BMP7: variants seen among roughly 807,000 people sequenced by gnomAD.
BMP7 encodes the protein osteogenic protein 1.
BMP7 carries 12 observed loss-of-function variants against 41.2 expected under a neutral mutation model. The ratio of observed to expected loss-of-function variants is 0.29; its 90% CI spans 0.19 to 0.47. The LOEUF (loss-of-function observed/expected upper bound fraction) is 0.47, where lower values mean the gene tolerates loss of function less well. Among genes scored for constraint, BMP7 ranks in the 20% least tolerant of loss-of-function variants. The probability of loss-of-function intolerance (pLI) is 0.99; values close to 1 mark genes in which losing one functional copy is unlikely to be tolerated. For missense variants in BMP7, 467 were observed against 606.0 expected (o/e 0.77, Z 2.41); for synonymous variants, 248 against 250.0 (o/e 0.99, Z 0.07).
intron 3 of BMP7, among the ~76,000 whole-genome samples, chr20:57,199,289 T>C (rs230194): frequency 0.57 from 87,312 of 152,058 alleles, 25,838 homozygotes; most frequent in African/African-American, 0.7. Context: ...GGCACCATCT[T>C]GTAAACAGGC....
At position 57,265,777 on chromosome 20, in the gene BMP7, G is replaced by A. The variant is rs976788767; in HGVS notation, c.346C>T (p.Pro116Ser). ...PYKAVFSTQG[P>S]PLASLQDSHF... Reference sequence around the variant, plus strand: ...CTATCTTGCAGGCTGGCCAGAGGGGGGCCCTGGGTACTGAAGACGGCCTTG... The same window carrying A: ...CTATCTTGCAGGCTGGCCAGAGGGGAGCCCTGGGTACTGAAGACGGCCTTG... The change falls in exon 1 of 7, where the codon CCC (proline) becomes TCC (serine). Residue 116 changes from proline (P) to serine (S), a missense_variant. By Grantham distance (74) the Pro-to-Ser change is moderately conservative. Transcript: ENST00000395863. 9.3e-6 allele frequency: 15 copies of A among 1,610,678 alleles called. No individual in the cohort carries two copies. The highest frequency in any genetic ancestry group is 2.7e-5 in the African/African-American group (2 of 74,894).
At chr20:57,201,914 A>C (rs101625) in intron 3 of BMP7, among the ~76,000 whole-genome samples, 4,745 of 152,280 alleles carry the variant, frequency 0.031, 236 homozygotes, top group African/African-American at 0.11. Flanking sequence ...CAGGAACTGG[A>C]GAGTCAGACG....
intron 1 of BMP7, among the ~76,000 whole-genome samples, chr20:57,239,897 G>A (rs2066062629): frequency 6.6e-6 from 1 of 152,182 alleles, no homozygotes; most frequent in African/African-American, 2.4e-5. Flanking sequence ...CACAGCAGGG[G>A]GACCCAGAGA....
At chr20:57,202,685 A>G (rs1292611063) in intron 2 of BMP7, 62 bp from the exon 3 acceptor site, 4 of 983,914 alleles carry the variant, frequency 4.1e-6, no homozygotes, top group East Asian at 8.7e-5. Context: ...CACTACCCCA[A>G]CAGATGGGAA....
chr20:57,183,902 T>TG lies in BMP7; in HGVS notation c.777dup (p.Lys260GlnfsTer72). On this transcript the variant is annotated frameshift_variant, in exon 4 of 7. Transcript: ENST00000395863. LOFTEE classifies it high-confidence loss of function. ...TGCCGCCCAATCAGGCCCGCCAACT[T>TG]GGGGTTGATGCTCTGCCCTGGACAG... The TG allele has an allele frequency of 6.2e-7, 1 of 1,613,832 alleles. No homozygotes were observed. Among genetic ancestry groups the TG allele is most frequent in the Non-Finnish European group, 8.5e-7 (1 of 1,180,008 alleles).
rs563352750 is a variant in BMP7 at position 57,266,345 on chromosome 20, C to A, written c.-223G>T. The A allele has an allele frequency of 2.1e-5, 6 of 289,496 alleles. No individual in the cohort carries two copies. In the South Asian group the frequency reaches 8.0e-4, roughly 38 times the overall value. The allele number at this position is 289,496 out of a possible 1,614,324, so 17.9% of individuals were successfully genotyped here. A position where few individuals can be genotyped will look rare whatever the true frequency, so the allele number is the denominator to read the frequency against. On this transcript the variant is annotated 5_prime_UTR_variant, in exon 1 of 7. Coordinates refer to ENST00000395863, the MANE Select transcript of BMP7 (RefSeq NM_001719.3). ...GCCCCTCGCCCCGCACTCGCCCGGG[C>A]GCACCGCAGGGCTTGGAAAGCAGCC...
chr20:57,205,422 C>T (rs1310336869), intron 2 of BMP7, among the ~76,000 whole-genome samples: 2 of 152,190 alleles, frequency 1.3e-5, no homozygotes, highest in East Asian at 3.8e-4. Context: ...GCTGTCTTAT[C>T]TCCAGTTTGC....
At chr20:57,251,464 C>G (rs1034287068) in intron 1 of BMP7, among the ~76,000 whole-genome samples, 2 of 152,222 alleles carry the variant, frequency 1.3e-5, no homozygotes, top group Admixed American at 6.5e-5. Flanking sequence ...TTCGACATCA[C>G]CCTTGTGGGG....
chr20:57,213,945 G>A lies in BMP7; in HGVS notation c.612-11322C>T, dbSNP rs1984953476. 6.6e-6 allele frequency among the ~76,000 whole-genome samples: 1 copy of A among 152,182 alleles called. No homozygotes were observed. The highest frequency in any genetic ancestry group is 1.5e-5 in the Non-Finnish European group (1 of 68,034). On this transcript the variant is annotated intron_variant, in intron 2 of 6. Coordinates refer to ENST00000395863, the MANE Select transcript of BMP7 (RefSeq NM_001719.3). The surrounding 1 kb of genome is among the most constrained non-coding windows in gnomAD (Gnocchi z 4.4). ...GCGCAAAGCCAGAGACTCAAGGTTC[G>A]CAGCTGGTTGGAGCAAACCTCAATG...
intron 2 of BMP7, among the ~76,000 whole-genome samples, chr20:57,217,223 C>G (rs1985052947): frequency 6.6e-6 from 1 of 152,158 alleles, no homozygotes; most frequent in Non-Finnish European, 1.5e-5. Context: ...GGGTTCAACC[C>G]CAGAGCAAGA....
At chr20:57,192,178 C>A (rs1984378586) in intron 3 of BMP7, among the ~76,000 whole-genome samples, 2 of 119,616 alleles carry the variant, frequency 1.7e-5, no homozygotes, top group Admixed American at 1.0e-4. Flanking sequence ...ATAATATATA[C>A]TATATATTAT....
Position 57,171,155 on chromosome 20 carries a change from G to A in BMP7, c.1147-47C>T, listed in dbSNP as rs200790829. 2.0e-4 allele frequency: 316 copies of A among 1,612,572 alleles called. 2 individuals carry two copies. Among genetic ancestry groups the A allele is most frequent in the Middle Eastern group, 1.2e-3 (7 of 6,060 alleles). On this transcript the variant is annotated intron_variant, in intron 6 of 6. Coordinates refer to ENST00000395863, the MANE Select transcript of BMP7 (RefSeq NM_001719.3). The surrounding 1 kb of genome is among the most constrained non-coding windows in gnomAD (Gnocchi z 4.5). ...GGGCAGTGGTGAGAAGCGGTGAGTC[G>A]TTCTAACTGGCCTCCACGTTTCTAT...
intron 2 of BMP7, among the ~76,000 whole-genome samples, chr20:57,203,904 T>G (rs1442191756): frequency 6.6e-6 from 1 of 152,216 alleles, no homozygotes; most frequent in African/African-American, 2.4e-5. Flanking sequence ...ATGGAGCACT[T>G]ACCATATGCC....
chr20:57,197,190 G>A (rs1211136742), intron 3 of BMP7, among the ~76,000 whole-genome samples: 5 of 151,738 alleles, frequency 3.3e-5, no homozygotes, highest in Middle Eastern at 3.4e-3. Flanking sequence ...ATGAGCCACC[G>A]CACCCGGCCC....
chr20:57,248,024 G>T (rs1259021649), intron 1 of BMP7, among the ~76,000 whole-genome samples: 1 of 152,140 alleles, frequency 6.6e-6, no homozygotes, highest in Non-Finnish European at 1.5e-5. Flanking sequence ...CCTGTAGGTA[G>T]GTTTGAGTTT....
chr20:57,191,352 T>C (rs1039902258), intron 3 of BMP7, among the ~76,000 whole-genome samples: 1 of 152,074 alleles, frequency 6.6e-6, no homozygotes, highest in Non-Finnish European at 1.5e-5. Context: ...TTCCCTCCCA[T>C]GAGCCACTAA....
At position 57,189,254 on chromosome 20, in the gene BMP7, G is replaced by A. The variant is rs201178875; in HGVS notation, c.761-5335C>T. ...GCTCTGAAAACAATACCTGATGACT[G>A]CAAACAGAGGAAATCACAGAGAAGA... On this transcript the variant is annotated intron_variant, in intron 3 of 6. Coordinates refer to ENST00000395863, the MANE Select transcript of BMP7 (RefSeq NM_001719.3). Among the ~76,000 whole-genome samples, 60 of 152,338 alleles carry A rather than the reference G, an allele frequency of 3.9e-4. 1 individual carries two copies. In the East Asian group the frequency reaches 0.011, roughly 28 times the overall value.
Position 57,183,864 on chromosome 20 carries a change from G to C in BMP7, c.816C>G (p.Asn272Lys), listed in dbSNP as rs1279572591. Residue 272 changes from asparagine to lysine, a missense_variant, in exon 4 of 7, where the codon AAC (asparagine) becomes AAG (lysine). Asn to Lys is a moderately conservative substitution (Grantham distance 94). This residue lies in a region of BMP7 where 407 missense variants were observed against 485.9 expected (regional missense o/e 0.84). Transcript: ENST00000395863. The part of the protein sequence containing the change: ...AGLIGRHGPQ[N>K]KQPFMVAFFK... ...AGAAAGCCACCATGAAGGGCTGCTTGTTCTGGGGCCCGTGCCGCCCAATCA... is the reference window on the plus strand; with the variant it reads ...AGAAAGCCACCATGAAGGGCTGCTTCTTCTGGGGCCCGTGCCGCCCAATCA... 12 of 1,614,076 alleles carry C rather than the reference G, an allele frequency of 7.4e-6. No individual in the cohort carries two copies. Among genetic ancestry groups the C allele is most frequent in the Admixed American group, 3.3e-5 (2 of 60,012 alleles).
At chr20:57,208,487 TGGTA>T (rs796942355) in intron 2 of BMP7, among the ~76,000 whole-genome samples, 1 of 152,286 alleles carries the variant, frequency 6.6e-6, no homozygotes, top group East Asian at 1.9e-4. Context: ...CATATACTAA[TGGTA>T]GGATTGGAAA....
Sources: allele counts gnomAD v4.1 joint callset (sites outside exome capture counted in the v4.1 genomes callset), GRCh38; gene constraint gnomAD v4.1.1; regional missense constraint gnomAD v4.1.1; non-coding constraint Gnocchi (gnomAD v3.1); transcripts MANE v1.5; gene names NCBI Gene and HGNC (gene_info 2026-07-23, HGNC 2026-07-21).